The following GRID2 variants were observed in gnomAD, a reference collection of about 807,000 sequenced individuals.
GRID2 encodes glutamate receptor ionotropic, delta-2.
A neutral mutation model predicts 114.8 loss-of-function variants in GRID2; 33 were observed. That is an observed-to-expected ratio of 0.29 (90% confidence interval 0.22 to 0.38). The LOEUF is 0.38. GRID2 is among the 10% of genes least tolerant of loss of function. The pLI is 1.00. For missense variants in GRID2, 1,184 were observed against 1,257.7 expected (o/e 0.94, Z 0.89); for synonymous variants, 505 against 449.9 (o/e 1.12, Z -1.55).
intron 4 of GRID2, among the ~76,000 whole-genome samples, chr4:93,152,880 A>G (rs1241448634): frequency 2.0e-5 from 3 of 152,136 alleles, no homozygotes; most frequent in Non-Finnish European, 2.9e-5. Context: ...AAAAATCCTG[A>G]TGAAGATAAA....
chr4:93,109,672 T>A (rs182049946), intron 3 of GRID2, among the ~76,000 whole-genome samples: 4 of 152,210 alleles, frequency 2.6e-5, no homozygotes, highest in Non-Finnish European at 4.4e-5. Flanking sequence ...TTCTCTAGTA[T>A]TTGCCCTTTA....
intron 8 of GRID2, among the ~76,000 whole-genome samples, chr4:93,305,170 G>C (rs1376552859): frequency 1.3e-5 from 2 of 152,104 alleles, no homozygotes; most frequent in Admixed American, 6.6e-5. Flanking sequence ...AGGAAATCAT[G>C]GGGCAAAGCT....
chr4:93,554,226 C>T (rs975645603), intron 13 of GRID2, among the ~76,000 whole-genome samples: 2 of 152,098 alleles, frequency 1.3e-5, no homozygotes, highest in African/African-American at 4.8e-5. Context: ...TTCATCATGA[C>T]ATCATCTGCC....
At chr4:93,159,164 G>C (rs1737449940) in intron 4 of GRID2, among the ~76,000 whole-genome samples, 1 of 151,604 alleles carries the variant, frequency 6.6e-6, no homozygotes, top group Non-Finnish European at 1.5e-5. Context: ...CTACACAGTG[G>C]AAAAGAATGA....
intron 14 of GRID2, among the ~76,000 whole-genome samples, chr4:93,749,206 A>T (rs1396568380): frequency 6.6e-6 from 1 of 152,124 alleles, no homozygotes; most frequent in Non-Finnish European, 1.5e-5. Context: ...GTTTTGTTTT[A>T]TTTTGTTAGT....
intron 8 of GRID2, among the ~76,000 whole-genome samples, chr4:93,307,094 G>T (rs1232975472): frequency 6.6e-6 from 1 of 152,048 alleles, no homozygotes; most frequent in Admixed American, 6.6e-5. Context: ...TACTTGGGAG[G>T]CTGGGGCAGG....
intron 2 of GRID2, among the ~76,000 whole-genome samples, chr4:92,853,686 G>C (rs1012140601): frequency 1.3e-5 from 2 of 151,874 alleles, no homozygotes; most frequent in African/African-American, 4.8e-5. Flanking sequence ...ACTCTTACCT[G>C]TCAATAGTGG....
chr4:92,960,638 G>C (rs1416074424), intron 2 of GRID2, among the ~76,000 whole-genome samples: 1 of 151,810 alleles, frequency 6.6e-6, no homozygotes, highest in Non-Finnish European at 1.5e-5. Flanking sequence ...TTTATATTTA[G>C]GGTAAGTTTC....
chr4:92,637,702 C>T lies in GRID2; in HGVS notation c.244+47416C>T, dbSNP rs529580567. ...AAACTTTAATCATTGAACTTATTTG[C>T]GTGTTCTTTGGAGGGAAATTAGCCC... On this transcript the variant is annotated intron_variant, in intron 2 of 15. Coordinates refer to ENST00000282020, the MANE Select transcript of GRID2 (RefSeq NM_001510.4). 1.3e-3 allele frequency among the ~76,000 whole-genome samples: 192 copies of T among 152,006 alleles called. 1 individual carries two copies. The highest frequency in any genetic ancestry group is 4.4e-3 in the African/African-American group (183 of 41,506).
intron 2 of GRID2, among the ~76,000 whole-genome samples, chr4:93,004,148 G>C (rs575051168): frequency 3.9e-5 from 6 of 151,970 alleles, no homozygotes; most frequent in South Asian, 2.1e-4. Flanking sequence ...CACATTTTAG[G>C]AGAGGCTGAT....
intron 1 of GRID2, among the ~76,000 whole-genome samples, chr4:92,528,603 G>A (rs1043759275): frequency 5.3e-5 from 8 of 151,908 alleles, no homozygotes; most frequent in Non-Finnish European, 1.2e-4. Flanking sequence ...GTATACTGGG[G>A]AAGAAATGTT....
intron 2 of GRID2, among the ~76,000 whole-genome samples, chr4:92,870,971 T>G (rs1292807811): frequency 6.6e-6 from 1 of 152,156 alleles, no homozygotes; most frequent in African/African-American, 2.4e-5. Context: ...TATTCAAAAG[T>G]GCTAAATAAA....
intron 14 of GRID2, among the ~76,000 whole-genome samples, chr4:93,692,505 A>ATT (rs1726657495): frequency 4.6e-5 from 7 of 152,200 alleles, no homozygotes; most frequent in Admixed American, 3.9e-4. Flanking sequence ...AGTTCTTAGC[A>ATT]TTAGTCATTT....
At chr4:93,269,764 G>T (rs1018127318) in intron 8 of GRID2, among the ~76,000 whole-genome samples, 18 of 152,116 alleles carry the variant, frequency 1.2e-4, no homozygotes, top group Non-Finnish European at 2.6e-4. Context: ...TATCCCTTCA[G>T]GGACTTGAGT....
chr4:93,742,841 C>T (rs963453229), intron 14 of GRID2, among the ~76,000 whole-genome samples: 1 of 152,108 alleles, frequency 6.6e-6, no homozygotes, highest in Admixed American at 6.6e-5. Context: ...TAAATAATAA[C>T]CCTACAATAG....
In GRID2 at chr4:92,605,867, G is replaced by A. The variant is rs560281053; in HGVS notation, c.244+15581G>A. ...TCCTTATACTCCCCTTGGACATGGT[G>A]TGTATTCCGAAGGAAAACCTGGTAT... On this transcript the variant is annotated intron_variant, in intron 2 of 15. Transcript: ENST00000282020. Among the ~76,000 whole-genome samples, 8 of 152,162 alleles carry A rather than the reference G, an allele frequency of 5.3e-5. No individual in the cohort carries two copies. In the East Asian group the frequency reaches 9.7e-4, roughly 18 times the overall value.
intron 2 of GRID2, among the ~76,000 whole-genome samples, chr4:92,814,030 T>G (rs1740770961): frequency 6.6e-6 from 1 of 152,098 alleles, no homozygotes; most frequent in African/African-American, 2.4e-5. Flanking sequence ...CTTCTCTATC[T>G]GAAAAAAAAT....
At chr4:92,696,860 G>A (rs1353609256) in intron 2 of GRID2, among the ~76,000 whole-genome samples, 1 of 151,918 alleles carries the variant, frequency 6.6e-6, no homozygotes, top group East Asian at 1.9e-4. Flanking sequence ...CTTGCAGCAG[G>A]GTACAACAAT....
At chr4:92,920,029 T>C (rs540394269) in intron 2 of GRID2, among the ~76,000 whole-genome samples, 1 of 152,314 alleles carries the variant, frequency 6.6e-6, no homozygotes, top group African/African-American at 2.4e-5. Context: ...ATCTGGGTGC[T>C]CCTGTATTGG....
Sources: allele counts gnomAD v4.1 joint callset (sites outside exome capture counted in the v4.1 genomes callset), GRCh38; gene constraint gnomAD v4.1.1; transcripts MANE v1.5; gene names NCBI Gene and HGNC (gene_info 2026-07-23, HGNC 2026-07-21).